The following ZBTB20 variants were observed in gnomAD, a reference collection of about 807,000 sequenced individuals.
The protein encoded by ZBTB20 is zinc finger and BTB domain-containing protein 20.
Under a neutral mutation model 56.9 loss-of-function variants are expected in ZBTB20, and 9 were observed. The ratio of observed to expected loss-of-function variants is 0.16; its 90% CI spans 0.10 to 0.28. The LOEUF (loss-of-function observed/expected upper bound fraction) is 0.28. ZBTB20 is among the 10% of genes least tolerant of loss of function. The pLI, the probability that ZBTB20 is intolerant of heterozygous loss-of-function variation, is 1.00. For synonymous variants in ZBTB20, 417 were observed against 420.7 expected, an observed-to-expected ratio of 0.99 and a Z score of 0.11; for missense variants, 655 against 1,003.0, an observed-to-expected ratio of 0.65 and a Z score of 4.69.
intron 1 of ZBTB20, among the ~76,000 whole-genome samples, chr3:115,126,659 T>G (rs949271451): frequency 6.6e-6 from 1 of 152,300 alleles, no homozygotes; most frequent in Middle Eastern, 3.4e-3. Context: ...AAGTTAATAA[T>G]TGGTATTATT....
At chr3:115,146,810 T>G (rs1387340599) in intron 1 of ZBTB20, among the ~76,000 whole-genome samples, 1 of 152,002 alleles carries the variant, frequency 6.6e-6, no homozygotes, top group Non-Finnish European at 1.5e-5. Flanking sequence ...CTCCTCTTCT[T>G]GGAAGCAGCG....
At chr3:114,362,833 A>G (rs1158882358) in intron 10 of ZBTB20, among the ~76,000 whole-genome samples, 2 of 152,112 alleles carry the variant, frequency 1.3e-5, no homozygotes, top group African/African-American at 4.8e-5. Context: ...ATCAGGCCAA[A>G]CTCCGATCAC....
intron 1 of ZBTB20, among the ~76,000 whole-genome samples, chr3:115,146,899 C>G (rs2085002539): frequency 6.6e-6 from 1 of 151,676 alleles, no homozygotes; most frequent in African/African-American, 2.4e-5. Context: ...CCCCGCCACC[C>G]TTCGACCCTC....
intron 3 of ZBTB20, among the ~76,000 whole-genome samples, chr3:114,924,668 C>T (rs890154086): frequency 2.0e-5 from 3 of 152,158 alleles, no homozygotes; most frequent in Non-Finnish European, 4.4e-5. Context: ...TGTGAATTAA[C>T]TTGATTGTGA....
intron 4 of ZBTB20, among the ~76,000 whole-genome samples, chr3:114,829,396 C>T (rs2108950789): frequency 6.6e-6 from 1 of 151,830 alleles, no homozygotes; most frequent in East Asian, 1.9e-4. Flanking sequence ...CAATGTTTGC[C>T]AGCTGATAGG....
chr3:114,569,477 ACT>A (rs1215203487), intron 6 of ZBTB20, among the ~76,000 whole-genome samples: 1 of 152,094 alleles, frequency 6.6e-6, no homozygotes, highest in East Asian at 1.9e-4. Flanking sequence ...GGGATCAGAA[ACT>A]CTCCATGATC....
intron 7 of ZBTB20, among the ~76,000 whole-genome samples, chr3:114,433,100 C>T (rs558444552): frequency 5.3e-5 from 8 of 152,086 alleles, no homozygotes; most frequent in African/African-American, 1.9e-4. Flanking sequence ...AGATATAGGT[C>T]CTTTTCAACT....
At chr3:114,667,395 T>G (rs774961801) in intron 6 of ZBTB20, among the ~76,000 whole-genome samples, 1 of 152,044 alleles carries the variant, frequency 6.6e-6, no homozygotes, top group Admixed American at 6.6e-5. Context: ...AACCTCAATG[T>G]GATCTGATTG....
At position 114,621,698 on chromosome 3, in the gene ZBTB20, C is replaced by G. The variant is rs529645661; in HGVS notation, c.-295+71830G>C. On this transcript the variant is annotated intron_variant, in intron 6 of 11. Coordinates refer to ENST00000675478, the MANE Select transcript of ZBTB20 (RefSeq NM_001348800.3). ...GCTAAAATATGCACGCAAGAAAATA[C>G]ACATTTCACAACATGCATCCTCATT... Among the ~76,000 whole-genome samples the G allele has an allele frequency of 3.9e-5, 6 of 152,212 alleles. No individual in the cohort carries two copies. In the South Asian group the frequency reaches 6.2e-4, roughly 16 times the overall value.
intron 5 of ZBTB20, among the ~76,000 whole-genome samples, chr3:114,719,786 T>C (rs998280780): frequency 2.0e-5 from 3 of 152,144 alleles, no homozygotes; most frequent in African/African-American, 7.2e-5. Context: ...TCTTGATATC[T>C]GAGGTACAGG....
chr3:114,435,232 C>CT lies in ZBTB20; in HGVS notation c.-254-46128dup, dbSNP rs138557871. On this transcript the variant is annotated intron_variant, in intron 7 of 11. Coordinates refer to ENST00000675478, the MANE Select transcript of ZBTB20 (RefSeq NM_001348800.3). ...GCATTTTATTGGAAAATAATTAACT[C>CT]TTTAAAAAAAAAAACTTGCACACCA... 1.7e-3 allele frequency among the ~76,000 whole-genome samples: 256 copies of CT among 151,716 alleles called. 5 individuals carry two copies. In the East Asian group the frequency reaches 0.018, roughly 11 times the overall value.
chr3:114,484,859 G>A lies in ZBTB20; in HGVS notation c.-255+15493C>T, dbSNP rs545962255. ...TGTGTGCGTGAGTGCACGCACGCAC[G>A]TGTATGGAAGTGCTTTGAGGCCCTG... On this transcript the variant is annotated intron_variant, in intron 7 of 11. Transcript: ENST00000675478. 3.3e-5 allele frequency among the ~76,000 whole-genome samples: 5 copies of A among 152,174 alleles called. No homozygotes were observed. The East Asian group carries it at 5.8e-4, about 18-fold the overall frequency.
chr3:114,626,649 A>G (rs941848309), intron 6 of ZBTB20, among the ~76,000 whole-genome samples: 1 of 152,282 alleles, frequency 6.6e-6, no homozygotes, highest in South Asian at 2.1e-4. Flanking sequence ...TTGAAAATCT[A>G]TTATGTGAAA....
intron 5 of ZBTB20, among the ~76,000 whole-genome samples, chr3:114,752,062 C>T (rs1280463805): frequency 6.6e-6 from 1 of 152,038 alleles, no homozygotes; most frequent in African/African-American, 2.4e-5. Context: ...TACTATGTGC[C>T]AGGTACTGTG....
intron 5 of ZBTB20, among the ~76,000 whole-genome samples, chr3:114,775,989 T>C (rs2069576420): frequency 6.6e-6 from 1 of 151,858 alleles, no homozygotes; most frequent in African/African-American, 2.4e-5. Flanking sequence ...TGTAAAATCT[T>C]GATGCCTGGA....
intron 4 of ZBTB20, among the ~76,000 whole-genome samples, chr3:114,806,830 T>C (rs556942461): frequency 9.5e-4 from 144 of 152,114 alleles, no homozygotes; most frequent in African/African-American, 3.3e-3. Flanking sequence ...TTATATCGCA[T>C]ATAATCCTAG....
At chr3:114,373,920 C>G (rs1397769823) in intron 10 of ZBTB20, among the ~76,000 whole-genome samples, 2 of 151,906 alleles carry the variant, frequency 1.3e-5, no homozygotes, top group Admixed American at 6.6e-5. Context: ...AAAAAGAGGG[C>G]CAATTTAAAA....
At chr3:114,524,390 A>G (rs530900365) in intron 6 of ZBTB20, among the ~76,000 whole-genome samples, 41 of 152,328 alleles carry the variant, frequency 2.7e-4, no homozygotes, top group Non-Finnish European at 2.8e-4. Flanking sequence ...CAAGAAATTG[A>G]GAGGAGGTAT....
At chr3:114,968,099 AT>A (rs2077723547) in intron 3 of ZBTB20, among the ~76,000 whole-genome samples, 1 of 152,174 alleles carries the variant, frequency 6.6e-6, no homozygotes, top group African/African-American at 2.4e-5. Flanking sequence ...TGAATATAGC[AT>A]GCGTATATAT....
Sources: gnomAD v4.1 joint callset for allele counts (sites outside exome capture counted in the v4.1 genomes callset) on GRCh38, gnomAD v4.1.1 for gene constraint, MANE v1.5 for transcripts, NCBI Gene and HGNC (gene_info 2026-07-23, HGNC 2026-07-21) for gene names.